The following RSBN1L variants were observed in gnomAD, a reference collection of about 807,000 sequenced individuals.
RSBN1L encodes lysine-specific demethylase RSBN1L.
A neutral mutation model predicts 67.7 loss-of-function variants in RSBN1L; 30 were observed. The observed-to-expected ratio is 0.44, with a 90% CI of 0.33 to 0.60. RSBN1L has a LOEUF of 0.60. Ranked by LOEUF, RSBN1L falls within the 20% of genes least tolerant of loss-of-function variation. The pLI is 0.02. For synonymous variants in RSBN1L, 433 were observed against 387.0 expected, an observed-to-expected ratio of 1.12 and a Z score of -1.39; for missense variants, 992 against 1,031.7, an observed-to-expected ratio of 0.96 and a Z score of 0.53.
At chr7:77,725,568 T>C (rs1277779883) in intron 1 of RSBN1L, among the ~76,000 whole-genome samples, 1 of 150,386 alleles carries the variant, frequency 6.6e-6, no homozygotes, top group Non-Finnish European at 1.5e-5. Flanking sequence ...CTTTTAAGTG[T>C]TCTGTGCATT....
chr7:77,776,685 A>G (rs369066907), intron 6 of RSBN1L, among the ~76,000 whole-genome samples: 2 of 152,190 alleles, frequency 1.3e-5, no homozygotes, highest in South Asian at 4.1e-4. Context: ...ATCCTTGGTA[A>G]TATTCCTTGT....
intron 3 of RSBN1L, among the ~76,000 whole-genome samples, chr7:77,763,444 G>T (rs756206003): frequency 3.3e-5 from 5 of 152,166 alleles, no homozygotes; most frequent in Non-Finnish European, 7.3e-5. Flanking sequence ...GACTTGATGT[G>T]TTCTATTCTG....
At chr7:77,739,483 C>T (rs532264471) in intron 2 of RSBN1L, among the ~76,000 whole-genome samples, 6 of 151,962 alleles carry the variant, frequency 3.9e-5, no homozygotes, top group African/African-American at 7.2e-5. Flanking sequence ...GAGGCCAAGG[C>T]GGGTGGGCCA....
intron 2 of RSBN1L, among the ~76,000 whole-genome samples, chr7:77,746,621 A>C (rs1432733867): frequency 1.3e-5 from 2 of 151,994 alleles, no homozygotes; most frequent in African/African-American, 4.8e-5. Flanking sequence ...CCAAATCTTA[A>C]CTCATTCCAG....
chr7:77,762,860 A>G (rs111862973), intron 3 of RSBN1L, among the ~76,000 whole-genome samples: 219 of 152,216 alleles, frequency 1.4e-3, no homozygotes, highest in African/African-American at 4.6e-3. Context: ...TGACTTTTTA[A>G]AACTACTAGA....
At chr7:77,775,821 C>A (rs762779394) in intron 6 of RSBN1L, among the ~76,000 whole-genome samples, 1 of 152,144 alleles carries the variant, frequency 6.6e-6, no homozygotes, top group South Asian at 2.1e-4. Context: ...TTTGGGAGGC[C>A]AAGGCGGGCG....
chr7:77,721,183 A>G (rs1287781285), intron 1 of RSBN1L, among the ~76,000 whole-genome samples: 1 of 151,316 alleles, frequency 6.6e-6, no homozygotes, highest in African/African-American at 2.4e-5. Context: ...TGGAGAGATA[A>G]ATAGCTGCAA....
chr7:77,698,151 G>A (rs1461704795), intron 1 of RSBN1L, among the ~76,000 whole-genome samples: 1 of 152,210 alleles, frequency 6.6e-6, no homozygotes, highest in East Asian at 1.9e-4. Context: ...CTTAAAACAT[G>A]CTGCATGTGC....
intron 1 of RSBN1L, among the ~76,000 whole-genome samples, chr7:77,714,381 T>C (rs59271348): frequency 0.046 from 7,042 of 152,280 alleles, 344 homozygotes; most frequent in African/African-American, 0.12. Flanking sequence ...TCCCATCATC[T>C]CTAATCCAAG....
intron 2 of RSBN1L, among the ~76,000 whole-genome samples, chr7:77,743,077 A>G (rs1441744682): frequency 6.6e-6 from 1 of 151,160 alleles, no homozygotes; most frequent in Non-Finnish European, 1.5e-5. Flanking sequence ...TTTTCGAGAC[A>G]AGGTCTTACT....
At chr7:77,767,550 T>A (rs1353146589) in intron 4 of RSBN1L, among the ~76,000 whole-genome samples, 4 of 151,754 alleles carry the variant, frequency 2.6e-5, no homozygotes, top group Admixed American at 2.6e-4. Flanking sequence ...ATTTTTTGTA[T>A]CTTTAGTAGA....
intron 1 of RSBN1L, among the ~76,000 whole-genome samples, chr7:77,728,285 T>G (rs1372304018): frequency 6.6e-6 from 1 of 152,210 alleles, no homozygotes; most frequent in Admixed American, 6.5e-5. Flanking sequence ...TCCTGCATAC[T>G]TGATTGATAG....
At chr7:77,702,412 T>C (rs185494324) in intron 1 of RSBN1L, among the ~76,000 whole-genome samples, 28 of 152,370 alleles carry the variant, frequency 1.8e-4, no homozygotes, top group Admixed American at 6.5e-4. Flanking sequence ...TCTTCTGTTC[T>C]CCCTATTATT....
intron 3 of RSBN1L, among the ~76,000 whole-genome samples, chr7:77,764,132 C>T (rs1357486660): frequency 6.6e-6 from 1 of 152,110 alleles, no homozygotes; most frequent in Non-Finnish European, 1.5e-5. Flanking sequence ...AAAAGTTGAC[C>T]ATCCATGTTT....
At chr7:77,713,572 G>A (rs1210600795) in intron 1 of RSBN1L, among the ~76,000 whole-genome samples, 1 of 151,672 alleles carries the variant, frequency 6.6e-6, no homozygotes, top group Non-Finnish European at 1.5e-5. Context: ...TAGCCAGGAT[G>A]GTCTCGATCT....
At chr7:77,726,953 T>C (rs2150418136) in intron 1 of RSBN1L, among the ~76,000 whole-genome samples, 1 of 151,944 alleles carries the variant, frequency 6.6e-6, no homozygotes, top group Middle Eastern at 3.4e-3. Context: ...GGCCTAATTT[T>C]TGTATTTGTA....
rs934427619 is a variant in RSBN1L, at chr7:77,752,449, T to C, written c.1344+2385T>C. On this transcript the variant is annotated intron_variant, in intron 3 of 7. Coordinates refer to ENST00000334955, the MANE Select transcript of RSBN1L (RefSeq NM_198467.3). ...GAGTGGGGAAGTTGTTGTGTGCAGA[T>C]TGGGGAGGTAGCCTTTGATTTGTCC... is the stretch of plus-strand genomic sequence containing the variant. Among the ~76,000 whole-genome samples, 7 of 152,284 alleles carry C rather than the reference T, an allele frequency of 4.6e-5. 1 individual carries two copies. Among genetic ancestry groups the C allele is most frequent in the Admixed American group, 1.3e-4 (2 of 15,292 alleles).
intron 2 of RSBN1L, among the ~76,000 whole-genome samples, chr7:77,745,419 G>A (rs955357836): frequency 1.4e-4 from 22 of 152,286 alleles, no homozygotes; most frequent in Middle Eastern, 6.8e-3. Flanking sequence ...TGATGGAAAA[G>A]GAGGTATCAT....
chr7:77,696,636 T>A lies in RSBN1L; in HGVS notation c.167T>A (p.Val56Glu), dbSNP rs1175588873. Residue 56 changes from valine to glutamate, a missense_variant, in exon 1 of 8, where the codon GTG becomes GAG. By Grantham distance (121) the Val-to-Glu change is moderately radical. This residue lies in a region of RSBN1L where 575 missense variants were observed against 483.2 expected (regional missense o/e 1.19). Transcript: ENST00000334955. ...RTEEKKAPRR[V>E]NGEGGSGGNS... ...GAGGAGAAGAAGGCACCGCGGAGAG[T>A]GAACGGAGAAGGGGGCAGCGGCGGG... is the stretch of plus-strand genomic sequence containing the variant. 1.2e-6 allele frequency: 2 copies of A among 1,613,414 alleles called. No homozygotes were observed. The highest frequency in any genetic ancestry group is 1.7e-6 in the Non-Finnish European group (2 of 1,179,780).
Sources: allele counts gnomAD v4.1 joint callset (sites outside exome capture counted in the v4.1 genomes callset), GRCh38; gene constraint gnomAD v4.1.1; regional missense constraint gnomAD v4.1.1; transcripts MANE v1.5; gene names NCBI Gene and HGNC (gene_info 2026-07-23, HGNC 2026-07-21).